Variants in CDKAL1 observed in about 807,000 individuals in gnomAD.
The protein encoded by CDKAL1 is threonylcarbamoyladenosine tRNA methylthiotransferase.
Under a neutral mutation model 68.2 loss-of-function variants are expected in CDKAL1, and 32 were observed. The ratio of observed to expected loss-of-function variants is 0.47; its 90% CI spans 0.35 to 0.63. The LOEUF (loss-of-function observed/expected upper bound fraction) is 0.63. CDKAL1 is among the 30% of genes least tolerant of loss of function. The pLI, the probability that CDKAL1 is intolerant of heterozygous loss-of-function variation, is 0.00. For missense variants in CDKAL1, 606 were observed against 696.7 expected (o/e 0.87, Z 1.47); for synonymous variants, 234 against 244.3 (o/e 0.96, Z 0.39).
At chr6:20,812,620 A>G (rs566044744) in intron 8 of CDKAL1, among the ~76,000 whole-genome samples, 16 of 152,200 alleles carry the variant, frequency 1.1e-4, no homozygotes, top group Non-Finnish European at 2.1e-4. Context: ...TTTTACATAA[A>G]TGAAACTATC....
At chr6:21,165,950 T>A (rs1777132767) in intron 13 of CDKAL1, among the ~76,000 whole-genome samples, 1 of 152,212 alleles carries the variant, frequency 6.6e-6, no homozygotes, top group Non-Finnish European at 1.5e-5. Context: ...TGGATTCACA[T>A]CCTGGCTCTT....
At chr6:21,013,022 C>T (rs1337603253) in intron 11 of CDKAL1, among the ~76,000 whole-genome samples, 1 of 152,192 alleles carries the variant, frequency 6.6e-6, no homozygotes, top group Non-Finnish European at 1.5e-5. Flanking sequence ...CTTTTATTTA[C>T]TGGCCTCTGT....
intron 12 of CDKAL1, among the ~76,000 whole-genome samples, chr6:21,080,840 A>G (rs1772356805): frequency 6.6e-6 from 1 of 152,208 alleles, no homozygotes; most frequent in South Asian, 2.1e-4. Flanking sequence ...GGTAAAGATA[A>G]GAAGAAAACC....
intron 8 of CDKAL1, among the ~76,000 whole-genome samples, chr6:20,843,690 T>C (rs1348411230): frequency 6.6e-6 from 1 of 152,216 alleles, no homozygotes; most frequent in Non-Finnish European, 1.5e-5. Flanking sequence ...TTTCTTGTAG[T>C]GTCATGTTGT....
intron 13 of CDKAL1, among the ~76,000 whole-genome samples, chr6:21,171,122 G>A (rs2151075106): frequency 6.6e-6 from 1 of 152,046 alleles, no homozygotes; most frequent in East Asian, 1.9e-4. Context: ...CCAGCACACA[G>A]GTTTCACCAT....
intron 5 of CDKAL1, 60 bp from the exon 6 acceptor site, chr6:20,739,459 G>A: frequency 9.5e-7 from 1 of 1,047,604 alleles, no homozygotes; most frequent in Non-Finnish European, 1.4e-6. Context: ...ACTAACAACA[G>A]TTTCCAAGAG....
chr6:21,056,424 C>G (rs577128598), intron 11 of CDKAL1, among the ~76,000 whole-genome samples: 102 of 152,218 alleles, frequency 6.7e-4, no homozygotes, highest in African/African-American at 2.4e-3. Context: ...GGTTTTTGTG[C>G]TGAGACGATG....
At chr6:20,824,657 T>C (rs1777425966) in intron 8 of CDKAL1, among the ~76,000 whole-genome samples, 1 of 152,192 alleles carries the variant, frequency 6.6e-6, no homozygotes, top group African/African-American at 2.4e-5. Flanking sequence ...AGATGGATGT[T>C]ATAATGTTAT....
chr6:20,982,674 G>A (rs1247955026), intron 10 of CDKAL1, among the ~76,000 whole-genome samples: 1 of 151,178 alleles, frequency 6.6e-6, no homozygotes, highest in African/African-American at 2.4e-5. Context: ...AAATGCTTCT[G>A]TATCAAATGA....
intron 9 of CDKAL1, among the ~76,000 whole-genome samples, chr6:20,854,953 C>G (rs1759247281): frequency 6.6e-6 from 1 of 152,162 alleles, no homozygotes. Context: ...TTTTTAAAAT[C>G]AAGCAACAGT....
chr6:20,939,266 G>T (rs1763866360), intron 9 of CDKAL1, among the ~76,000 whole-genome samples: 1 of 152,098 alleles, frequency 6.6e-6, no homozygotes, highest in Non-Finnish European at 1.5e-5. Context: ...TCCTCCTGCT[G>T]CATTTACTAA....
chr6:20,955,061 G>C (rs562212261), intron 9 of CDKAL1, among the ~76,000 whole-genome samples: 2 of 152,270 alleles, frequency 1.3e-5, no homozygotes, highest in East Asian at 3.9e-4. Context: ...TGGAGTGACT[G>C]TTTCAGTTCC....
At chr6:20,776,702 G>A (rs1031790274) in intron 7 of CDKAL1, among the ~76,000 whole-genome samples, 1 of 152,174 alleles carries the variant, frequency 6.6e-6, no homozygotes, top group Non-Finnish European at 1.5e-5. Context: ...TGCTAAAGCT[G>A]CACAAGCAGT....
intron 10 of CDKAL1, among the ~76,000 whole-genome samples, chr6:20,959,452 A>G (rs1304141796): frequency 6.6e-6 from 1 of 152,186 alleles, no homozygotes; most frequent in Non-Finnish European, 1.5e-5. Context: ...AAGGATAAGA[A>G]TAAGCCCTTG....
chr6:20,971,464 A>G (rs1353517273), intron 10 of CDKAL1, among the ~76,000 whole-genome samples: 1 of 152,234 alleles, frequency 6.6e-6, no homozygotes, highest in Non-Finnish European at 1.5e-5. Context: ...ATTAATAGAT[A>G]TAAACTCTAG....
At chr6:21,185,067 T>G (rs559660561) in intron 13 of CDKAL1, among the ~76,000 whole-genome samples, 2 of 152,276 alleles carry the variant, frequency 1.3e-5, no homozygotes, top group Admixed American at 1.3e-4. Flanking sequence ...CAGCTACTCC[T>G]TGAGTTGGCT....
intron 4 of CDKAL1, among the ~76,000 whole-genome samples, chr6:20,594,571 G>A (rs1157012635): frequency 6.6e-6 from 1 of 151,974 alleles, no homozygotes; most frequent in Non-Finnish European, 1.5e-5. Context: ...GCCTATGTGT[G>A]TCTTTGCATG....
At chr6:20,673,150 T>C (rs1401310808) in intron 5 of CDKAL1, among the ~76,000 whole-genome samples, 11 of 152,246 alleles carry the variant, frequency 7.2e-5, no homozygotes, top group Admixed American at 7.2e-4. Context: ...TGTTTAAGAA[T>C]AGATGATGGC....
intron 9 of CDKAL1, among the ~76,000 whole-genome samples, chr6:20,882,161 A>G (rs957777967): frequency 7.2e-5 from 11 of 152,192 alleles, no homozygotes; most frequent in African/African-American, 2.4e-4. Flanking sequence ...GAAGAAGGTC[A>G]TAAGACATGT....
Sources: gnomAD v4.1 joint callset for allele counts (sites outside exome capture counted in the v4.1 genomes callset) on GRCh38, gnomAD v4.1.1 for gene constraint, MANE v1.5 for transcripts, NCBI Gene and HGNC (gene_info 2026-07-23, HGNC 2026-07-21) for gene names.